The following VPS13B variants were observed in gnomAD, a reference collection of about 807,000 sequenced individuals.
VPS13B encodes the protein intermembrane lipid transfer protein VPS13B.
A neutral mutation model predicts 426.4 loss-of-function variants in VPS13B; 285 were observed. The observed-to-expected ratio is 0.67, with a 90% CI of 0.61 to 0.74. VPS13B has a LOEUF of 0.74. Ranked by LOEUF, VPS13B falls within the 30% of genes least tolerant of loss-of-function variation. VPS13B has a pLI of 0.00. For synonymous variants in VPS13B, 1,676 were observed against 1,676.4 expected (o/e 1.00, Z 0.01); for missense variants, 4,537 against 4,782.6 (o/e 0.95, Z 1.51).
At chr8:99,218,649 G>A (rs1342978317) in intron 17 of VPS13B, among the ~76,000 whole-genome samples, 2 of 152,222 alleles carry the variant, frequency 1.3e-5, no homozygotes, top group Non-Finnish European at 2.9e-5. Context: ...CTGGCACATG[G>A]TCTTGAAAAC....
At chr8:99,164,514 A>C (rs934086917) in intron 15 of VPS13B, among the ~76,000 whole-genome samples, 1 of 152,156 alleles carries the variant, frequency 6.6e-6, no homozygotes, top group African/African-American at 2.4e-5. Flanking sequence ...GCTGCCAAAG[A>C]GTCTATTTGG....
At chr8:99,463,802 C>T (rs1379733923) in intron 23 of VPS13B, among the ~76,000 whole-genome samples, 6 of 152,142 alleles carry the variant, frequency 3.9e-5, no homozygotes, top group Non-Finnish European at 5.9e-5. Flanking sequence ...AAGCAATTCT[C>T]CTGCCTCAGC....
At chr8:99,099,349 C>A (rs760723755) in intron 4 of VPS13B, among the ~76,000 whole-genome samples, 8 of 152,126 alleles carry the variant, frequency 5.3e-5, no homozygotes, top group Non-Finnish European at 1.0e-4. Context: ...AAATTTTACA[C>A]CAAAAACTTG....
At chr8:99,158,646 T>C (rs1811489856) in intron 15 of VPS13B, among the ~76,000 whole-genome samples, 1 of 152,234 alleles carries the variant, frequency 6.6e-6, no homozygotes, top group South Asian at 2.1e-4. Context: ...CTGCTCATGC[T>C]CTATAAATGG....
chr8:99,121,852 T>C (rs1847958597), intron 8 of VPS13B: 1 of 151,526 alleles, frequency 6.6e-6, no homozygotes, highest in Non-Finnish European at 1.4e-5. Context: ...CTCTCTTTTT[T>C]TTTTTTTTTT....
At chr8:99,208,414 G>A (rs917742463) in intron 17 of VPS13B, among the ~76,000 whole-genome samples, 1 of 151,824 alleles carries the variant, frequency 6.6e-6, no homozygotes, top group Admixed American at 6.6e-5. Context: ...GAGGAAAATT[G>A]TAATATTTCA....
At chr8:99,375,323 T>A (rs1813423106) in intron 19 of VPS13B, among the ~76,000 whole-genome samples, 2 of 152,206 alleles carry the variant, frequency 1.3e-5, no homozygotes, top group African/African-American at 2.4e-5. Flanking sequence ...ACTTTTATAG[T>A]TTTTATTCAT....
At chr8:99,757,805 A>G (rs1810715618) in intron 39 of VPS13B, among the ~76,000 whole-genome samples, 1 of 152,238 alleles carries the variant, frequency 6.6e-6, no homozygotes, top group South Asian at 2.1e-4. Flanking sequence ...TGCTTAGAGT[A>G]CAGTTTATTA....
At chr8:99,183,400 A>G (rs1207031189) in intron 16 of VPS13B, among the ~76,000 whole-genome samples, 4 of 152,332 alleles carry the variant, frequency 2.6e-5, no homozygotes, top group Admixed American at 6.5e-5. Context: ...TTCAACATAC[A>G]TATTGAAATG....
At chr8:99,170,366 C>CAATAACTGTTATTAGGGT (rs1266803527) in intron 16 of VPS13B, among the ~76,000 whole-genome samples, 1 of 151,840 alleles carries the variant, frequency 6.6e-6, no homozygotes, top group Non-Finnish European at 1.5e-5. Flanking sequence ...TTTGTGATAG[C>CAATAACTGTTATTAGGGT]AATAACTGTT....
intron 3 of VPS13B, among the ~76,000 whole-genome samples, chr8:99,075,990 G>C (rs529150772): frequency 1.5e-4 from 23 of 151,968 alleles, no homozygotes; most frequent in Non-Finnish European, 3.2e-4. Flanking sequence ...TTTGTTGTAG[G>C]CATTTATTGC....
chr8:99,276,289 G>A (rs1306209820), intron 19 of VPS13B, among the ~76,000 whole-genome samples: 1 of 152,110 alleles, frequency 6.6e-6, no homozygotes, highest in African/African-American at 2.4e-5. Context: ...GTGAGTCTAA[G>A]GATGCTGTCT....
chr8:99,487,912 G>A (rs1020796143), intron 25 of VPS13B, among the ~76,000 whole-genome samples: 1 of 152,006 alleles, frequency 6.6e-6, no homozygotes, highest in African/African-American at 2.4e-5. Context: ...TTTGAACACT[G>A]GTGCACAAGG....
intron 36 of VPS13B, among the ~76,000 whole-genome samples, chr8:99,705,381 C>A (rs1832459104): frequency 6.6e-6 from 1 of 152,018 alleles, no homozygotes; most frequent in Non-Finnish European, 1.5e-5. Context: ...TACTGTAATT[C>A]TCCTGTCCTC....
intron 8 of VPS13B, among the ~76,000 whole-genome samples, chr8:99,128,318 T>G (rs377075145): frequency 1.7e-5 from 2 of 121,062 alleles, no homozygotes; most frequent in African/African-American, 6.3e-5. Flanking sequence ...ACCTGGGAGG[T>G]GGAGGTTGCA....
intron 25 of VPS13B, among the ~76,000 whole-genome samples, chr8:99,495,544 C>G (rs957643694): frequency 6.6e-6 from 1 of 152,122 alleles, no homozygotes; most frequent in Non-Finnish European, 1.5e-5. Context: ...CTATGAAGCC[C>G]TTACATGGTG....
intron 21 of VPS13B, among the ~76,000 whole-genome samples, chr8:99,416,797 A>C (rs1184250429): frequency 6.6e-6 from 1 of 151,912 alleles, no homozygotes; most frequent in Non-Finnish European, 1.5e-5. Flanking sequence ...TCACTTAGAA[A>C]TGCAGAAGTC....
At chr8:99,125,626 A>T (rs1848158449) in intron 8 of VPS13B, among the ~76,000 whole-genome samples, 1 of 152,180 alleles carries the variant, frequency 6.6e-6, no homozygotes, top group Admixed American at 6.5e-5. Context: ...AGGCTGTAGG[A>T]TACAGGGGAG....
At chr8:99,032,532 C>CTTTT (rs372714195) in intron 2 of VPS13B, among the ~76,000 whole-genome samples, 1 of 135,650 alleles carries the variant, frequency 7.4e-6, no homozygotes, top group African/African-American at 2.7e-5. Context: ...TCTTTCTTTT[C>CTTTT]TTTTTTTTTT....
Sources: allele counts gnomAD v4.1 joint callset (sites outside exome capture counted in the v4.1 genomes callset), GRCh38; gene constraint gnomAD v4.1.1; transcripts MANE v1.5; gene names NCBI Gene and HGNC (gene_info 2026-07-23, HGNC 2026-07-21).